Variants in PDE4D observed in about 807,000 individuals in gnomAD.
PDE4D encodes 3',5'-cyclic-AMP phosphodiesterase 4D.
In PDE4D, 24 loss-of-function variants were observed where a neutral mutation model predicts 87.4. The ratio of observed to expected loss-of-function variants is 0.27; its 90% CI spans 0.20 to 0.39. PDE4D has a LOEUF of 0.39. Among genes scored for constraint, PDE4D ranks in the 10% least tolerant of loss-of-function variants. PDE4D has a pLI of 1.00. For missense variants in PDE4D, 714 were observed against 1,041.0 expected (o/e 0.69, Z 4.32); for synonymous variants, 384 against 383.2 (o/e 1.00, Z -0.02).
chr5:60,168,728 T>A lies in PDE4D; in HGVS notation c.42+16829A>T, dbSNP rs562913203. The stretch of plus-strand genomic sequence containing the variant: ...GTAAATACTATGTAAATAGTTACAC[T>A]GTATTTTTTTAGGAAATAATGACAA... On this transcript the variant is annotated intron_variant, in intron 2 of 16. Coordinates refer to the PDE4D transcript ENST00000502484. Among the ~76,000 whole-genome samples, 3 of 152,186 alleles carry A rather than the reference T, an allele frequency of 2.0e-5. No homozygotes were observed. In the East Asian group the frequency reaches 5.8e-4, roughly 29 times the overall value.
In PDE4D at chr5:59,246,679, G is replaced by A. The variant is rs915199628; in HGVS notation, c.456-30711C>T. Among the ~76,000 whole-genome samples, 7 of 152,224 alleles carry A rather than the reference G, an allele frequency of 4.6e-5. No homozygotes were observed. In the South Asian group the frequency reaches 1.5e-3, roughly 32 times the overall value. On this transcript the variant is annotated intron_variant, in intron 1 of 14. Transcript: ENST00000340635. Reference sequence around the variant, plus strand: ...TATTGAGGAAAGAGTAACCATTTAAGGGAATCTTCCACCACTGTTCTTTGT... The same window carrying A: ...TATTGAGGAAAGAGTAACCATTTAAAGGAATCTTCCACCACTGTTCTTTGT...
chr5:59,865,983 C>T (rs1247062757), intron 1 of PDE4D, among the ~76,000 whole-genome samples: 1 of 152,192 alleles, frequency 6.6e-6, no homozygotes, highest in Non-Finnish European at 1.5e-5. Context: ...TTCCTTTAAG[C>T]CCTGACTATG....
At chr5:60,277,041 G>GT (rs1751445015) in intron 1 of PDE4D, among the ~76,000 whole-genome samples, 1 of 151,228 alleles carries the variant, frequency 6.6e-6, no homozygotes, top group Non-Finnish European at 1.5e-5. Context: ...TCTTCTGTTT[G>GT]TTTTTTCCTT....
intron 2 of PDE4D, among the ~76,000 whole-genome samples, chr5:60,092,186 G>A (rs1230379766): frequency 4.6e-5 from 7 of 151,298 alleles, no homozygotes; most frequent in Admixed American, 2.6e-4. Flanking sequence ...TACGTTAAGC[G>A]ATGGCACAAA....
chr5:60,049,894 C>G (rs1454239778), intron 2 of PDE4D, among the ~76,000 whole-genome samples: 1 of 152,222 alleles, frequency 6.6e-6, no homozygotes, highest in Non-Finnish European at 1.5e-5. Context: ...TGGGCTCCAC[C>G]CAGTTTGAGC....
chr5:59,800,131 C>G (rs796492278), intron 1 of PDE4D, among the ~76,000 whole-genome samples: 6 of 152,192 alleles, frequency 3.9e-5, no homozygotes, highest in African/African-American at 7.2e-5. Context: ...AAAGAAGGCT[C>G]AAGCCACAGA....
In PDE4D at chr5:59,351,753, T is replaced by C. The variant is rs146946474; in HGVS notation, c.456-135785A>G. Among the ~76,000 whole-genome samples the C allele has an allele frequency of 1.7e-3, 256 of 152,298 alleles. 2 individuals carry two copies. Among genetic ancestry groups the C allele is most frequent in the Non-Finnish European group, 2.6e-3 (175 of 68,018 alleles). On this transcript the variant is annotated intron_variant, in intron 1 of 14. Coordinates refer to ENST00000340635, the MANE Select transcript of PDE4D (RefSeq NM_001104631.2). ...AGCATTTCTTTAAACCAACATCAAT[T>C]AGGTTAGAGGACAGTTTAGATATTA...
At chr5:60,104,824 A>G (rs11744029) in intron 2 of PDE4D, among the ~76,000 whole-genome samples, 22,195 of 152,168 alleles carry the variant, frequency 0.15, 1,670 homozygotes, top group Middle Eastern at 0.23. Flanking sequence ...AAGGAAAACT[A>G]ACAAACAGAA....
intron 1 of PDE4D, among the ~76,000 whole-genome samples, chr5:59,818,164 G>A (rs1164652294): frequency 6.6e-6 from 1 of 152,150 alleles, no homozygotes; most frequent in Non-Finnish European, 1.5e-5. Flanking sequence ...TGGGATTGCT[G>A]TTTTATCAGC....
chr5:60,228,462 T>C (rs1745394399), intron 1 of PDE4D, among the ~76,000 whole-genome samples: 2 of 151,906 alleles, frequency 1.3e-5, no homozygotes, highest in African/African-American at 4.8e-5. Flanking sequence ...GCCATTTGAA[T>C]GAATCAATAA....
At chr5:59,001,118 C>G (rs934757844) in intron 6 of PDE4D, among the ~76,000 whole-genome samples, 1 of 152,160 alleles carries the variant, frequency 6.6e-6, no homozygotes, top group African/African-American at 2.4e-5. Flanking sequence ...AAAGTTCTTT[C>G]TAGAAAAACA....
At chr5:59,407,592 C>G (rs1283919693) in intron 1 of PDE4D, among the ~76,000 whole-genome samples, 12 of 152,276 alleles carry the variant, frequency 7.9e-5, no homozygotes, top group Admixed American at 7.8e-4. Flanking sequence ...AAGTTTGAAA[C>G]TTGGTAGAGA....
At chr5:60,385,321 C>G (rs1439512258) in intron 1 of PDE4D, among the ~76,000 whole-genome samples, 1 of 152,228 alleles carries the variant, frequency 6.6e-6, no homozygotes, top group East Asian at 1.9e-4. Context: ...TCACCGGGAA[C>G]CTCCAAGATA....
chr5:59,223,100 A>C (rs975283968), intron 1 of PDE4D, among the ~76,000 whole-genome samples: 1 of 152,216 alleles, frequency 6.6e-6, no homozygotes. Context: ...CAATGAGGTG[A>C]CAGATGCTGG....
intron 4 of PDE4D, among the ~76,000 whole-genome samples, chr5:59,184,528 T>C (rs1230032775): frequency 6.6e-6 from 1 of 150,724 alleles, no homozygotes; most frequent in East Asian, 1.9e-4. Flanking sequence ...GTTGGCATTT[T>C]AATATTTTAT....
At chr5:59,857,998 G>T (rs543267611) in intron 1 of PDE4D, among the ~76,000 whole-genome samples, 24 of 149,996 alleles carry the variant, frequency 1.6e-4, no homozygotes, top group African/African-American at 5.9e-4. Context: ...AGGAAGGAAG[G>T]AAGGAAGGAA....
At chr5:60,049,144 C>T (rs191096202) in intron 2 of PDE4D, among the ~76,000 whole-genome samples, 1 of 152,156 alleles carries the variant, frequency 6.6e-6, no homozygotes, top group East Asian at 1.9e-4. Context: ...ACCTTTTCTT[C>T]CAGTTGATTG....
intron 1 of PDE4D, among the ~76,000 whole-genome samples, chr5:59,869,437 G>A (rs1464235706): frequency 6.6e-6 from 1 of 152,132 alleles, no homozygotes; most frequent in Non-Finnish European, 1.5e-5. Flanking sequence ...AGAGAGTGAT[G>A]TCACGAATGA....
chr5:59,215,999 T>C (rs1278520447), intron 1 of PDE4D, 31 bp from the exon 2 acceptor site: 13 of 1,509,124 alleles, frequency 8.6e-6, no homozygotes, highest in South Asian at 1.2e-5. Flanking sequence ...ATTATGTTGC[T>C]GTGAACATTC....
Sources: gnomAD v4.1 joint callset for allele counts (sites outside exome capture counted in the v4.1 genomes callset) on GRCh38, gnomAD v4.1.1 for gene constraint, MANE v1.5 for transcripts, NCBI Gene and HGNC (gene_info 2026-07-23, HGNC 2026-07-21) for gene names.